Variants in TENM1 observed in about 807,000 individuals in gnomAD.
TENM1 encodes teneurin transmembrane protein 1, also known as teneurin-1.
Under a neutral mutation model 174.8 loss-of-function variants are expected in TENM1, and 35 were observed. The observed-to-expected ratio is 0.20, with a 90% confidence interval of 0.15 to 0.27. The LOEUF (loss-of-function observed/expected upper bound fraction) is 0.27, where lower values mean the gene tolerates loss of function less well. Among genes scored for constraint, TENM1 ranks in the 10% least tolerant of loss-of-function variants. The probability of loss-of-function intolerance (pLI) is 1.00; values close to 1 mark genes in which losing one functional copy is unlikely to be tolerated. For synonymous variants in TENM1, 781 were observed against 798.7 expected, an observed-to-expected ratio of 0.98 and a Z score of 0.37; for missense variants, 1,633 against 2,130.1, an observed-to-expected ratio of 0.77 and a Z score of 4.59.
At chrX:125,139,873 G>C in the TENM1 span, among the ~76,000 whole-genome samples, 1 of 108,207 alleles carries the variant, frequency 9.2e-6, no homozygotes, top group Non-Finnish European at 1.9e-5. Flanking sequence ...GAGAGAGAGA[G>C]AGAGAGAGAG....
intron 4 of TENM1, among the ~76,000 whole-genome samples, chrX:124,709,771 C>T (rs1250137045): frequency 9.0e-6 from 1 of 110,745 alleles, no homozygotes; most frequent in Non-Finnish European, 1.9e-5. Flanking sequence ...CCAACAAATA[C>T]TATCTGTTCA....
exon 7 of TENM1, chrX:124,653,766 C>T: frequency 8.3e-7 from 1 of 1,207,600 alleles, no homozygotes; most frequent in Non-Finnish European, 1.1e-6. Flanking sequence ...GTGTCTATCG[C>T]CCGTCCCTTC....
chrX:124,831,602 C>T (rs1212778471), intron 3 of TENM1, among the ~76,000 whole-genome samples: 1 of 111,771 alleles, frequency 8.9e-6, no homozygotes, highest in African/African-American at 3.3e-5. Context: ...CAGAGTGGTA[C>T]TTCAAGGATT....
At chrX:125,150,744 C>T in the TENM1 span, among the ~76,000 whole-genome samples, 2 of 112,182 alleles carry the variant, frequency 1.8e-5, no homozygotes, top group South Asian at 7.3e-4. Context: ...AAAAAGCTGC[C>T]CTTTATTCAT....
At chrX:125,071,122 T>C in the TENM1 span, among the ~76,000 whole-genome samples, 2 of 112,003 alleles carry the variant, frequency 1.8e-5, no homozygotes, top group African/African-American at 3.2e-5. Flanking sequence ...TAGCCAGCTA[T>C]GTTCCTAACC....
chrX:125,116,163 G>A, the TENM1 span, among the ~76,000 whole-genome samples: 1 of 112,222 alleles, frequency 8.9e-6, no homozygotes, highest in South Asian at 3.7e-4. Flanking sequence ...TTTAATAAAT[G>A]TTGGGAAAAT....
intron 22 of TENM1, among the ~76,000 whole-genome samples, chrX:124,468,471 C>T (rs10218033): frequency 0.011 from 1,229 of 112,561 alleles, 17 homozygotes; most frequent in African/African-American, 0.036. Flanking sequence ...CCACCGCGCC[C>T]GCGCCCGGCA....
intron 16 of TENM1, among the ~76,000 whole-genome samples, chrX:124,527,022 G>A (rs1261775101): frequency 2.7e-5 from 3 of 111,923 alleles, no homozygotes; most frequent in African/African-American, 6.5e-5. Flanking sequence ...GAAGAAAAGA[G>A]CAAGATTACT....
At chrX:124,966,479 G>A (rs752721599), upstream of TENM1, among the ~76,000 whole-genome samples, 89 of 109,668 alleles carry the variant, frequency 8.1e-4, no homozygotes, top group Middle Eastern at 4.7e-3. Context: ...TGGCTAACAC[G>A]GTGAAACCCC....
intron 22 of TENM1, 23 bp downstream of exon 25, chrX:124,481,709 A>ATATATATT (rs766603058): frequency 1.7e-5 from 7 of 401,102 alleles, no homozygotes; most frequent in African/African-American, 8.2e-5. Context: ...ATATATATAT[A>ATATATATT]TATTTATTTA....
chrX:124,506,209 G>A (rs909690691), intron 18 of TENM1, among the ~76,000 whole-genome samples: 4 of 111,595 alleles, frequency 3.6e-5, no homozygotes, highest in African/African-American at 1.3e-4. Context: ...AGGTGATTGC[G>A]CAGTTTTGCA....
intron 22 of TENM1, among the ~76,000 whole-genome samples, chrX:124,474,325 A>C (rs2061365077): frequency 1.8e-5 from 2 of 111,379 alleles, no homozygotes; most frequent in Non-Finnish European, 1.9e-5. Flanking sequence ...AGGAATCTGA[A>C]GCTCAGGGAA....
At chrX:125,188,522 C>T in the TENM1 span, among the ~76,000 whole-genome samples, 1 of 111,691 alleles carries the variant, frequency 9.0e-6, no homozygotes, top group South Asian at 3.7e-4. Context: ...ATCCCCAAAC[C>T]TATTATTTTT....
the TENM1 span, among the ~76,000 whole-genome samples, chrX:125,122,831 A>G: frequency 8.9e-5 from 6 of 67,786 alleles, no homozygotes; most frequent in Admixed American, 8.5e-4. Flanking sequence ...TGGAAGGGTT[A>G]TTATTTTTAA....
chrX:125,148,754 G>T, the TENM1 span, among the ~76,000 whole-genome samples: 4 of 111,543 alleles, frequency 3.6e-5, no homozygotes, highest in Non-Finnish European at 5.7e-5. Context: ...ATTCTTCTCT[G>T]TTGCTCCTTA....
In TENM1 at chrX:124,716,845, G is replaced by A. The variant is rs73545961; in HGVS notation, c.777-11594C>T. Among the ~76,000 whole-genome samples the A allele has an allele frequency of 8.1e-3, 901 of 111,313 alleles. 8 individuals are homozygous for A. Among genetic ancestry groups the A allele is most frequent in the African/African-American group, 0.028 (865 of 30,568 alleles). ...TGCGTGCTCAATTCCAAATGGTAAGGAACGCACTGAGTATGCAGGAAGCCC... is the reference window on the plus strand; with the variant it reads ...TGCGTGCTCAATTCCAAATGGTAAGAAACGCACTGAGTATGCAGGAAGCCC... On this transcript the variant is annotated intron_variant, in intron 4 of 31. Coordinates refer to ENST00000422452, the Ensembl canonical transcript of TENM1.
chrX:124,516,397 C>A (rs2047704848), intron 18 of TENM1, among the ~76,000 whole-genome samples: 2 of 111,807 alleles, frequency 1.8e-5, no homozygotes, highest in Admixed American at 1.9e-4. Flanking sequence ...AAGAAACTAT[C>A]AAGAGAGTAA....
chrX:124,529,159 T>A (rs1304170301), intron 16 of TENM1, among the ~76,000 whole-genome samples: 2 of 111,421 alleles, frequency 1.8e-5, no homozygotes, highest in African/African-American at 6.5e-5. Context: ...TCCCTGAGAG[T>A]CATAAATAGG....
chrX:124,937,899 C>A (rs1421196070), intron 1 of TENM1, among the ~76,000 whole-genome samples: 1 of 111,971 alleles, frequency 8.9e-6, no homozygotes, highest in Non-Finnish European at 1.9e-5. Context: ...ATTATTACAG[C>A]TTCTTTTTAT....
Sources: allele counts gnomAD v4.1 joint callset (sites outside exome capture counted in the v4.1 genomes callset), GRCh38; gene constraint gnomAD v4.1.1; transcripts MANE v1.5; gene names NCBI Gene and HGNC (gene_info 2026-07-23, HGNC 2026-07-21).